Variants in CHD6 observed in about 807,000 individuals in gnomAD.
The protein encoded by CHD6 is ATP-dependent chromatin remodeler CHD6.
In CHD6, 50 loss-of-function variants were observed where a neutral mutation model predicts 276.9. That is an observed-to-expected ratio of 0.18 (90% CI 0.14 to 0.23). The LOEUF is 0.23. CHD6 is among the 10% of genes least tolerant of loss of function. The pLI is 1.00. For missense variants in CHD6, 2,564 were observed against 3,365.8 expected (o/e 0.76, Z 5.89); for synonymous variants, 1,173 against 1,229.3 (o/e 0.95, Z 0.96).
chr20:41,464,560 A>C (rs2042875172), intron 17 of CHD6, among the ~76,000 whole-genome samples: 1 of 152,250 alleles, frequency 6.6e-6, no homozygotes, highest in Non-Finnish European at 1.5e-5. Flanking sequence ...GGAGGAGACT[A>C]TAATGAACCC....
chr20:41,504,360 T>C (rs1025385703), intron 5 of CHD6, among the ~76,000 whole-genome samples: 8 of 151,146 alleles, frequency 5.3e-5, no homozygotes, highest in Non-Finnish European at 7.4e-5. Context: ...CTGTTGGAAG[T>C]CTTCATTTTA....
chr20:41,523,537 T>A (rs8115560), intron 3 of CHD6, among the ~76,000 whole-genome samples: 55,726 of 152,078 alleles, frequency 0.37, 12,927 homozygotes, highest in African/African-American at 0.64. Context: ...AACTATTAGT[T>A]ATAACCATCA....
intron 2 of CHD6, among the ~76,000 whole-genome samples, chr20:41,534,959 C>T (rs928310058): frequency 9.9e-5 from 15 of 152,076 alleles, no homozygotes; most frequent in Admixed American, 2.6e-4. Context: ...GAGCTGTCCT[C>T]GGAAGATTCT....
At position 41,438,815 on chromosome 20, in the gene CHD6, T is replaced by C. The variant is rs565859110; in HGVS notation, c.4007+1185A>G. Among the ~76,000 whole-genome samples the C allele has an allele frequency of 9.2e-5, 14 of 152,336 alleles. 3 individuals are homozygous for C. Among genetic ancestry groups the C allele is most frequent in the African/African-American group, 3.4e-4 (14 of 41,582 alleles). ...ATGAACATGAGAATCACCAGTCATATGGGCCTCTGTTAACATCTCCCAGAA... is the reference window on the plus strand; with the variant it reads ...ATGAACATGAGAATCACCAGTCATACGGGCCTCTGTTAACATCTCCCAGAA... On this transcript the variant is annotated intron_variant, in intron 26 of 36. Coordinates refer to ENST00000373233, the MANE Select transcript of CHD6 (RefSeq NM_032221.5).
chr20:41,455,205 A>T (rs983706484), intron 19 of CHD6, among the ~76,000 whole-genome samples: 2 of 152,186 alleles, frequency 1.3e-5, no homozygotes, highest in Non-Finnish European at 2.9e-5. Flanking sequence ...CCACTAAAAA[A>T]CTTTCAGGTG....
chr20:41,535,655 T>TA (rs1303054688), intron 2 of CHD6, among the ~76,000 whole-genome samples: 2 of 151,984 alleles, frequency 1.3e-5, no homozygotes, highest in African/African-American at 4.8e-5. Flanking sequence ...GGTCAGGAGT[T>TA]AGAGACCAGC....
intron 5 of CHD6, among the ~76,000 whole-genome samples, chr20:41,510,195 A>C (rs2044083709): frequency 6.6e-6 from 1 of 152,222 alleles, no homozygotes; most frequent in Admixed American, 6.5e-5. Context: ...GTGCCACTGC[A>C]TGTGCCTTGA....
In CHD6 at chr20:41,473,029, T is replaced by C. The variant is rs2043090735; in HGVS notation, c.2664+293A>G. On this transcript the variant is annotated intron_variant, in intron 17 of 36. Coordinates refer to ENST00000373233, the MANE Select transcript of CHD6 (RefSeq NM_032221.5). The surrounding 1 kb of genome is among the most constrained non-coding windows in gnomAD (Gnocchi z 4.1). ...TCAAGAATTAGAGCATTAGTCAAGA[T>C]TAGTATCTTTATTTCTGATAATAAT... The C allele has an allele frequency of 6.9e-6, 2 of 291,024 alleles. No homozygotes were observed. The highest frequency in any genetic ancestry group is 1.3e-5 in the Non-Finnish European group (2 of 156,496). 18.0% of individuals were successfully genotyped at this position (291,024 alleles called of 1,614,324 possible).
At chr20:41,483,223 A>T (rs1568629800) in intron 16 of CHD6, 86 bp downstream of exon 16, 5 of 1,265,178 alleles carry the variant, frequency 4.0e-6, no homozygotes, top group African/African-American at 1.5e-5. Context: ...TTTTGTGTTT[A>T]AACAAAATTT....
chr20:41,589,647 A>C (rs2045634596), intron 1 of CHD6, among the ~76,000 whole-genome samples: 1 of 152,214 alleles, frequency 6.6e-6, no homozygotes, highest in Non-Finnish European at 1.5e-5. Context: ...AATACCTAGG[A>C]ATCCAACTTA....
rs2047028178 is a variant in CHD6 at position 41,417,249 on chromosome 20, A to C, written c.6228T>G (p.Ile2076Met). ...DELQEARAPT[I>M]AQLLQEKTLY... ...GAGTTTTCTCCTGTAGCAGCTGAGC[A>C]ATAGTGGGAGCTCGAGCCTCCTGTA... Residue 2076 changes from isoleucine to methionine, a missense_variant, in exon 32 of 37, where the codon ATT (isoleucine) becomes ATG (methionine). Physicochemically the swap from Ile to Met is conservative, Grantham distance 10 (BLOSUM62 1). Coordinates refer to ENST00000373233, the MANE Select transcript of CHD6 (RefSeq NM_032221.5). The C allele has an allele frequency of 1.2e-6, 2 of 1,614,068 alleles. No homozygotes were observed. The highest frequency in any genetic ancestry group is 2.7e-5 in the African/African-American group (2 of 74,924).
rs752955138 is a variant in CHD6, at chr20:41,405,415, C to G, written c.7326G>C (p.Arg2442Ser). ...GGAGTTCGCTCCGAGGCCGCCTCCCCCTCCTGCGGGGGCCCGTATCTCGAA... is the reference window on the plus strand; with the variant it reads ...GGAGTTCGCTCCGAGGCCGCCTCCCGCTCCTGCGGGGGCCCGTATCTCGAA... ...PILRDTGPRRRGRRPRSELLK... is the reference protein window; with the variant it reads ...PILRDTGPRRSGRRPRSELLK... Residue 2442 changes from arginine to serine, a missense_variant, in exon 37 of 37, where the codon AGG (arginine) becomes AGC (serine). Physicochemically the swap from Arg to Ser is moderately radical, Grantham distance 110. Transcript: ENST00000373233. 8 of 1,612,420 alleles carry G rather than the reference C, an allele frequency of 5.0e-6. No homozygotes were observed. Among genetic ancestry groups the G allele is most frequent in the African/African-American group, 1.3e-5 (1 of 74,908 alleles).
At chr20:41,513,095 CT>C in intron 4 of CHD6, 100 bp from the exon 5 acceptor site, 1 of 1,252,260 alleles carries the variant, frequency 8.0e-7, no homozygotes, top group Non-Finnish European at 1.1e-6. Context: ...CCAAGGAGTG[CT>C]TTCTTGCCTT....
At chr20:41,558,622 C>T (rs994060499) in intron 1 of CHD6, among the ~76,000 whole-genome samples, 1 of 152,148 alleles carries the variant, frequency 6.6e-6, no homozygotes, top group African/African-American at 2.4e-5. Flanking sequence ...TTTTAAATTA[C>T]TCCTCTCTCT....
chr20:41,517,633 G>C (rs549842760), intron 3 of CHD6, among the ~76,000 whole-genome samples: 5 of 152,066 alleles, frequency 3.3e-5, no homozygotes, highest in African/African-American at 1.2e-4. Flanking sequence ...ATTTTCACAT[G>C]AGTCTTTATC....
chr20:41,459,844 C>G (rs1468456883), intron 17 of CHD6, among the ~76,000 whole-genome samples: 1 of 152,166 alleles, frequency 6.6e-6, no homozygotes. Flanking sequence ...AAAAGATACC[C>G]GAAAACGCGG....
chr20:41,515,091 C>T, intron 3 of CHD6, 139 bp from the exon 4 acceptor site: 1 of 844,246 alleles, frequency 1.2e-6, no homozygotes, highest in South Asian at 1.7e-5. Context: ...AGAGTTTCTT[C>T]CAAGAAATAA....
intron 5 of CHD6, among the ~76,000 whole-genome samples, chr20:41,509,593 A>G (rs1390883601): frequency 6.6e-6 from 1 of 152,226 alleles, no homozygotes; most frequent in African/African-American, 2.4e-5. Context: ...CACAGAGCAC[A>G]GCACAGGAGA....
intron 23 of CHD6, among the ~76,000 whole-genome samples, chr20:41,448,450 A>G (rs551695929): frequency 6.6e-6 from 1 of 152,328 alleles, no homozygotes; most frequent in African/African-American, 2.4e-5. Context: ...ATTCATTTTT[A>G]TTCTGTATGG....
Sources: gnomAD v4.1 joint callset for allele counts (sites outside exome capture counted in the v4.1 genomes callset) on GRCh38, gnomAD v4.1.1 for gene constraint, Gnocchi (gnomAD v3.1) non-coding constraint, MANE v1.5 for transcripts, NCBI Gene and HGNC (gene_info 2026-07-23, HGNC 2026-07-21) for gene names.